The following SLC24A2 variants were observed in gnomAD, a reference collection of about 807,000 sequenced individuals.
SLC24A2 encodes sodium/potassium/calcium exchanger 2.
SLC24A2 carries 36 observed loss-of-function variants against 62.0 expected under a neutral mutation model. The observed-to-expected ratio is 0.58, with a 90% CI of 0.44 to 0.77. The LOEUF (loss-of-function observed/expected upper bound fraction) is 0.77. SLC24A2 is among the 30% of genes least tolerant of loss of function. SLC24A2 has a pLI of 0.00. For synonymous variants in SLC24A2, 358 were observed against 294.0 expected (o/e 1.22, Z -2.23); for missense variants, 846 against 817.9 (o/e 1.03, Z -0.42).
At position 19,786,934 on chromosome 9, in the gene SLC24A2, T is replaced by C; in HGVS notation, c.-68A>G. Reference sequence around the variant, plus strand: ...TCAACCAGATGGTTCTTTCATACTTTTCCTTACTTTATAGTTAACGATGCT... The same window carrying C: ...TCAACCAGATGGTTCTTTCATACTTCTCCTTACTTTATAGTTAACGATGCT... On this transcript the variant is annotated 5_prime_UTR_variant, in exon 2 of 11. Transcript: ENST00000341998. This position sits in a 1 kb window ranked among gnomAD's most constrained non-coding sequence, Gnocchi z 5.0. The C allele has an allele frequency of 1.3e-6, 2 of 1,584,308 alleles. No homozygotes were observed. The highest frequency in any genetic ancestry group is 1.1e-5 in the South Asian group (1 of 88,078).
chr9:19,663,045 T>TA (rs760717137), intron 2 of SLC24A2, among the ~76,000 whole-genome samples: 15 of 152,234 alleles, frequency 9.9e-5, no homozygotes, highest in East Asian at 5.8e-4. Flanking sequence ...TGAGCTAAGA[T>TA]ACGCTCTGCA....
chr9:19,692,578 T>G (rs1032490785), intron 2 of SLC24A2, among the ~76,000 whole-genome samples: 1 of 152,148 alleles, frequency 6.6e-6, no homozygotes, highest in Non-Finnish European at 1.5e-5. Context: ...AAAAGATGCT[T>G]TATTTATTTT....
chr9:19,919,506 A>G, the SLC24A2 span, among the ~76,000 whole-genome samples: 1 of 152,216 alleles, frequency 6.6e-6, no homozygotes, highest in African/African-American at 2.4e-5. Context: ...AGATACCAAC[A>G]TATACTTAGG....
chr9:20,113,179 A>T, the SLC24A2 span, among the ~76,000 whole-genome samples: 4 of 152,136 alleles, frequency 2.6e-5, no homozygotes, highest in Non-Finnish European at 4.4e-5. Flanking sequence ...CTGGTCAAGA[A>T]ATCACTCCAG....
chr9:19,586,681 A>G (rs1217023826), intron 5 of SLC24A2, among the ~76,000 whole-genome samples: 2 of 152,148 alleles, frequency 1.3e-5, no homozygotes, highest in East Asian at 3.8e-4. Flanking sequence ...CAGACTGCAG[A>G]ATATGATGTT....
chr9:19,634,042 AT>A (rs35540342), intron 2 of SLC24A2, among the ~76,000 whole-genome samples: 1 of 151,678 alleles, frequency 6.6e-6, no homozygotes, highest in Admixed American at 6.6e-5. Context: ...AATATTTTCT[AT>A]TTTTTTCCTA....
the SLC24A2 span, among the ~76,000 whole-genome samples, chr9:20,109,309 C>T: frequency 6.6e-6 from 1 of 152,280 alleles, no homozygotes; most frequent in Middle Eastern, 3.4e-3. Context: ...ACATAGCAAG[C>T]CTGAGACTGC....
At chr9:19,546,302 C>T (rs183380359) in intron 8 of SLC24A2, among the ~76,000 whole-genome samples, 144 of 152,342 alleles carry the variant, frequency 9.5e-4, no homozygotes, top group South Asian at 2.3e-3. Context: ...CCGCCCCTTC[C>T]GCCAGATGCT....
chr9:19,760,984 T>C (rs1012805966), intron 2 of SLC24A2, among the ~76,000 whole-genome samples: 1 of 152,018 alleles, frequency 6.6e-6, no homozygotes, highest in African/African-American at 2.4e-5. Flanking sequence ...AAGGAGTGCA[T>C]CACACCAACA....
At chr9:20,135,564 G>A in the SLC24A2 span, among the ~76,000 whole-genome samples, 18 of 152,030 alleles carry the variant, frequency 1.2e-4, no homozygotes, top group Non-Finnish European at 1.3e-4. Flanking sequence ...TATTAACTGC[G>A]ATAACATACG....
intron 3 of SLC24A2, among the ~76,000 whole-genome samples, chr9:19,620,909 A>G (rs1341577903): frequency 6.6e-6 from 1 of 152,204 alleles, no homozygotes; most frequent in East Asian, 1.9e-4. Flanking sequence ...AAAATATTCC[A>G]TCATACTCCA....
chr9:20,064,316 T>C, the SLC24A2 span, among the ~76,000 whole-genome samples: 3 of 151,796 alleles, frequency 2.0e-5, no homozygotes, highest in African/African-American at 7.3e-5. Context: ...GGGCTGGGAG[T>C]GTGTGAGTGG....
chr9:19,902,935 G>A, the SLC24A2 span, among the ~76,000 whole-genome samples: 2 of 152,086 alleles, frequency 1.3e-5, no homozygotes, highest in African/African-American at 4.8e-5. Context: ...TCAACTTCAT[G>A]GCTAAGCTGT....
At chr9:19,739,221 G>A (rs942818394) in intron 2 of SLC24A2, among the ~76,000 whole-genome samples, 3 of 152,142 alleles carry the variant, frequency 2.0e-5, no homozygotes, top group African/African-American at 7.2e-5. Context: ...TAAATCAATG[G>A]AAATATACAA....
chr9:20,102,436 G>C, the SLC24A2 span, among the ~76,000 whole-genome samples: 1 of 132,450 alleles, frequency 7.6e-6, no homozygotes, highest in Admixed American at 9.0e-5. Context: ...AGTGGGAGTT[G>C]AACATTGAGA....
chr9:19,977,144 T>A, the SLC24A2 span, among the ~76,000 whole-genome samples: 1 of 151,712 alleles, frequency 6.6e-6, no homozygotes, highest in African/African-American at 2.4e-5. Context: ...TGTGTGTGTG[T>A]GTGTATGAGA....
At chr9:20,278,235 A>T in the SLC24A2 span, among the ~76,000 whole-genome samples, 2 of 152,152 alleles carry the variant, frequency 1.3e-5, no homozygotes, top group Non-Finnish European at 2.9e-5. Flanking sequence ...AAAGTATAAT[A>T]AAAAAATTAA....
chr9:19,934,580 G>T, the SLC24A2 span, among the ~76,000 whole-genome samples: 1 of 152,196 alleles, frequency 6.6e-6, no homozygotes, highest in African/African-American at 2.4e-5. This position sits in a 1 kb window ranked among gnomAD's most constrained non-coding sequence, Gnocchi z 4.1. Context: ...TGCCTGCCAG[G>T]CAGCGTGCAC....
At chr9:19,639,206 G>A (rs1333901292) in intron 2 of SLC24A2, among the ~76,000 whole-genome samples, 1 of 152,084 alleles carries the variant, frequency 6.6e-6, no homozygotes, top group East Asian at 1.9e-4. Context: ...TTTATTATAG[G>A]TAATTGAGTG....
Sources: gnomAD v4.1 joint callset for allele counts (sites outside exome capture counted in the v4.1 genomes callset) on GRCh38, gnomAD v4.1.1 for gene constraint, Gnocchi (gnomAD v3.1) non-coding constraint, MANE v1.5 for transcripts, NCBI Gene and HGNC (gene_info 2026-07-23, HGNC 2026-07-21) for gene names.